Variants in MFAP3L observed in about 807,000 individuals in gnomAD.
The protein encoded by MFAP3L is microfibril associated protein 3 like.
Under a neutral mutation model 20.0 loss-of-function variants are expected in MFAP3L, and 5 were observed. That is an observed-to-expected ratio of 0.25 (90% confidence interval 0.13 to 0.53). The LOEUF is 0.53. Among genes scored for constraint, MFAP3L ranks in the 20% least tolerant of loss-of-function variants. MFAP3L has a pLI of 0.96. For missense variants in MFAP3L, 409 were observed against 527.5 expected, an observed-to-expected ratio of 0.78 and a Z score of 2.20; for synonymous variants, 219 against 213.0, an observed-to-expected ratio of 1.03 and a Z score of -0.25.
At chr4:170,009,458 A>C (rs1739244243) in intron 1 of MFAP3L, among the ~76,000 whole-genome samples, 1 of 152,164 alleles carries the variant, frequency 6.6e-6, no homozygotes, top group Non-Finnish European at 1.5e-5. Flanking sequence ...CAAAGAGTAA[A>C]ATAACAATCT....
intron 2 of MFAP3L, among the ~76,000 whole-genome samples, chr4:169,997,194 C>T (rs1020208404): frequency 2.0e-5 from 3 of 151,928 alleles, no homozygotes; most frequent in African/African-American, 4.8e-5. Context: ...CCAACTACTC[C>T]GAAGATCTAA....
rs1207564110 is a variant in MFAP3L at position 169,992,621 on chromosome 4, T to A, written c.299-312A>T. Reference sequence around the variant, plus strand: ...CGTAGAACTGAAGATGAACTTGAGTTCCAGAGGCTGCACTCTTAACTACCA... The same window carrying A: ...CGTAGAACTGAAGATGAACTTGAGTACCAGAGGCTGCACTCTTAACTACCA... On this transcript the variant is annotated intron_variant, in intron 2 of 2. Transcript: ENST00000361618. This position sits in a 1 kb window ranked among gnomAD's most constrained non-coding sequence, Gnocchi z 4.3. 6.6e-6 allele frequency among the ~76,000 whole-genome samples: 1 copy of A among 152,182 alleles called. No individual in the cohort carries two copies. Among genetic ancestry groups the A allele is most frequent in the Non-Finnish European group, 1.5e-5 (1 of 68,034 alleles).
intron 1 of MFAP3L, among the ~76,000 whole-genome samples, chr4:170,022,340 T>C (rs1400222980): frequency 1.3e-5 from 2 of 152,192 alleles, no homozygotes; most frequent in Non-Finnish European, 2.9e-5. Context: ...ATTGTGTTTT[T>C]AGGAAGTAAA....
chr4:170,025,710 G>C (rs1379292856), intron 1 of MFAP3L, among the ~76,000 whole-genome samples: 1 of 152,130 alleles, frequency 6.6e-6, no homozygotes, highest in East Asian at 1.9e-4. Context: ...CTTCAGTAGC[G>C]AGGCGGCGGC....
At position 169,989,453 on chromosome 4, in the gene MFAP3L, C is replaced by T. The variant is rs1252971291; in HGVS notation, c.*1925G>A. ...TGTAAAGTTTGGATGGCAAAAGTAT[C>T]CAATTTCATGGACCCATTTTTTGCT... is the stretch of plus-strand genomic sequence containing the variant. On this transcript the variant is annotated 3_prime_UTR_variant, in exon 3 of 3. Transcript: ENST00000361618. 6.6e-6 allele frequency: 1 copy of T among 152,180 alleles called. No individual in the cohort carries two copies. Among genetic ancestry groups the T allele is most frequent in the African/African-American group, 2.4e-5 (1 of 41,438 alleles). 9.4% of individuals were successfully genotyped at this position (152,180 alleles called of 1,614,324 possible). A position where few individuals can be genotyped will look rare whatever the true frequency, so the allele number is the denominator to read the frequency against.
At chr4:170,009,925 T>C (rs1309481436) in intron 1 of MFAP3L, among the ~76,000 whole-genome samples, 1 of 152,248 alleles carries the variant, frequency 6.6e-6, no homozygotes, top group East Asian at 1.9e-4. Context: ...AATTTGGGTA[T>C]TGCCCCAACT....
At position 170,006,007 on chromosome 4, in the gene MFAP3L, G is replaced by T. The variant is rs79812289; in HGVS notation, c.-130C>A. 24,243 of 1,436,088 alleles carry T rather than the reference G, an allele frequency of 0.017. 243 individuals are homozygous for T. The highest frequency in any genetic ancestry group is 0.019 in the Non-Finnish European group (21,327 of 1,097,464). 89.0% of individuals were successfully genotyped at this position (1,436,088 alleles called of 1,614,324 possible). ...GTCCATAGAGTTGGTACTTGAGCAA[G>T]AACCTGTTTTTAAGAAAACAAAAAT... On this transcript the variant is annotated 5_prime_UTR_variant, in exon 2 of 3. Coordinates refer to ENST00000361618, the MANE Select transcript of MFAP3L (RefSeq NM_021647.8).
intron 2 of MFAP3L, chr4:170,002,332 G>T (rs1367914650): frequency 1.2e-6 from 1 of 812,716 alleles, no homozygotes; most frequent in Non-Finnish European, 1.5e-6. Flanking sequence ...CTGTATACAT[G>T]AGGATTAATA....
chr4:170,027,079 T>C (rs1345037825), upstream of MFAP3L: 9 of 152,130 alleles, frequency 5.9e-5, no homozygotes, highest in Admixed American at 5.9e-4. Flanking sequence ...AAAATATTAT[T>C]TGTAATTTCC....
At chr4:170,012,463 T>C (rs1739441733) in intron 1 of MFAP3L, among the ~76,000 whole-genome samples, 1 of 152,200 alleles carries the variant, frequency 6.6e-6, no homozygotes, top group African/African-American at 2.4e-5. Flanking sequence ...TGCACTCTGC[T>C]GCCACTCTTG....
chr4:170,025,201 G>T (rs1175690641), intron 1 of MFAP3L, among the ~76,000 whole-genome samples: 2 of 152,270 alleles, frequency 1.3e-5, no homozygotes, highest in African/African-American at 2.4e-5. Flanking sequence ...ATAACTTACG[G>T]TCTCATGAAA....
At position 170,005,826 on chromosome 4, in the gene MFAP3L, A is replaced by G; in HGVS notation, c.52T>C (p.Phe18Leu). The change falls in exon 2 of 3, where the codon TTT (phenylalanine) becomes CTT (leucine). Residue 18 changes from phenylalanine to leucine, a missense_variant. This residue lies in a region of MFAP3L where 113 missense variants were observed against 131.1 expected (regional missense o/e 0.86). Coordinates refer to ENST00000361618, the MANE Select transcript of MFAP3L (RefSeq NM_021647.8). ...GCTAGAGTGGATACTAGGATTAAAA[A>G]GGGCACAGAAGGTAGAAAGCACACA... ...LTVCFLPSVP[F>L]LILVSTLATA... The G allele has an allele frequency of 6.2e-7, 1 of 1,614,188 alleles. No homozygotes were observed.
intron 1 of MFAP3L, among the ~76,000 whole-genome samples, chr4:170,024,558 T>G (rs1334522821): frequency 4.6e-5 from 7 of 152,260 alleles, no homozygotes; most frequent in African/African-American, 1.7e-4. Context: ...TCAATATTTG[T>G]GTTGGAGTTT....
chr4:170,006,347 A>T (rs1319880759), intron 1 of MFAP3L, among the ~76,000 whole-genome samples: 1 of 152,118 alleles, frequency 6.6e-6, no homozygotes, highest in Non-Finnish European at 1.5e-5. Flanking sequence ...TCCTGACCTC[A>T]GGTGATCCAC....
upstream of MFAP3L, chr4:170,027,251 AG>A (rs1730510250): frequency 6.9e-6 from 1 of 145,960 alleles, no homozygotes; most frequent in South Asian, 2.2e-4. Flanking sequence ...ATTTTAAAAG[AG>A]AACAGAGACT....
At chr4:170,003,215 T>G (rs1482115065) in intron 2 of MFAP3L, among the ~76,000 whole-genome samples, 1 of 152,182 alleles carries the variant, frequency 6.6e-6, no homozygotes, top group Non-Finnish European at 1.5e-5. Context: ...TTTAAAGAGA[T>G]TTAAAATAGC....
At chr4:170,005,558 T>G (rs780147070) in intron 2 of MFAP3L, 22 bp downstream of exon 2, 1 of 1,606,012 alleles carries the variant, frequency 6.2e-7, no homozygotes, top group Non-Finnish European at 8.5e-7. Flanking sequence ...ATTATGACAT[T>G]TGATACAACT....
At position 170,026,349 on chromosome 4, in the gene MFAP3L, G is replaced by A. The variant is rs1730414170; in HGVS notation, c.-249C>T. ...GCCCGGTAGCGCCTACTGCGGGCGA[G>A]CCGCCTCCGCCGGCGCCTCACAGCG... On this transcript the variant is annotated 5_prime_UTR_variant, in exon 1 of 3. Coordinates refer to ENST00000361618, the MANE Select transcript of MFAP3L (RefSeq NM_021647.8). 4 of 921,130 alleles carry A rather than the reference G, an allele frequency of 4.3e-6. No individual in the cohort carries two copies. Among genetic ancestry groups the A allele is most frequent in the South Asian group, 5.0e-5 (1 of 20,098 alleles). 57.1% of individuals were successfully genotyped at this position (921,130 alleles called of 1,614,324 possible).
chr4:170,017,548 TTC>T (rs1355219017), intron 1 of MFAP3L, among the ~76,000 whole-genome samples: 2 of 152,298 alleles, frequency 1.3e-5, no homozygotes, highest in African/African-American at 4.8e-5. Flanking sequence ...AGCTCACATC[TTC>T]TCTCAGTCCA....
Sources: gnomAD v4.1 joint callset for allele counts (sites outside exome capture counted in the v4.1 genomes callset) on GRCh38, gnomAD v4.1.1 for gene constraint, gnomAD v4.1.1 regional missense constraint, Gnocchi (gnomAD v3.1) non-coding constraint, MANE v1.5 for transcripts, NCBI Gene and HGNC (gene_info 2026-07-23, HGNC 2026-07-21) for gene names.